Variants in TRIM37 observed in about 807,000 individuals in gnomAD.
TRIM37 encodes the protein tripartite motif containing 37.
Under a neutral mutation model 129.8 loss-of-function variants are expected in TRIM37, and 80 were observed. That is an observed-to-expected ratio of 0.62 (90% CI 0.51 to 0.74). The LOEUF is 0.74. Among genes scored for constraint, TRIM37 ranks in the 30% least tolerant of loss-of-function variants. The pLI is 0.00. For missense variants in TRIM37, 1,054 were observed against 1,176.5 expected (o/e 0.90, Z 1.52); for synonymous variants, 389 against 387.1 (o/e 1.00, Z -0.06).
At chr17:59,074,752 T>C (rs1394507066) in intron 8 of TRIM37, among the ~76,000 whole-genome samples, 1 of 152,098 alleles carries the variant, frequency 6.6e-6, no homozygotes, top group Non-Finnish European at 1.5e-5. Context: ...AGAGAGAAAT[T>C]ACAAAAAGCA....
At chr17:58,992,731 G>C (rs1405723113) in intron 24 of TRIM37, among the ~76,000 whole-genome samples, 2 of 152,160 alleles carry the variant, frequency 1.3e-5, no homozygotes, top group Middle Eastern at 3.4e-3. Flanking sequence ...ACAATCATTG[G>C]CAATGAGTTG....
chr17:59,081,937 C>CAAAAAAAAAAAAAAAAAAAAAA (rs1157296161), intron 5 of TRIM37, among the ~76,000 whole-genome samples: 1 of 48,922 alleles, frequency 2.0e-5, no homozygotes, highest in Non-Finnish European at 4.2e-5. Context: ...TAATAAAAAC[C>CAAAAAAAAAAAAAAAAAAAAAA]AAAAAAAAAA....
At position 59,064,391 on chromosome 17, in the gene TRIM37, G is replaced by T; in HGVS notation, c.824C>A (p.Ser275Tyr). 2 of 1,593,494 alleles carry T rather than the reference G, an allele frequency of 1.3e-6. No homozygotes were observed. Among genetic ancestry groups the T allele is most frequent in the Non-Finnish European group, 1.7e-6 (2 of 1,169,528 alleles). Reference sequence around the variant, plus strand: ...TAAAACAAAAGTAGCTGAATCGTAAGATGGCACTAATTCACTAAAAAAAAA... The same window carrying T: ...TAAAACAAAAGTAGCTGAATCGTAATATGGCACTAATTCACTAAAAAAAAA... ...PPDFTSELVPSYDSATFVLEN... is the reference protein window; with the variant it reads ...PPDFTSELVPYYDSATFVLEN... The change falls in exon 10 of 24, where the codon TCT becomes TAT. Residue 275 changes from serine to tyrosine, a missense_variant. This residue lies in a region of TRIM37 where 752 missense variants were observed against 870.8 expected (regional missense o/e 0.86). Coordinates refer to ENST00000262294, the MANE Select transcript of TRIM37 (RefSeq NM_015294.6).
chr17:59,003,288 A>C (rs189809142), intron 22 of TRIM37, among the ~76,000 whole-genome samples: 84 of 152,356 alleles, frequency 5.5e-4, no homozygotes, highest in African/African-American at 2.0e-3. Flanking sequence ...GGGGGAAAAA[A>C]GTCTTACCTC....
chr17:59,049,414 C>T, intron 14 of TRIM37, 21 bp from the exon 15 acceptor site: 4 of 1,599,618 alleles, frequency 2.5e-6, no homozygotes, highest in South Asian at 1.1e-5. Context: ...AAGAAAAGCA[C>T]AAATATTAGC....
intron 24 of TRIM37, among the ~76,000 whole-genome samples, chr17:58,990,081 G>C (rs2032212304): frequency 6.7e-6 from 1 of 148,840 alleles, no homozygotes; most frequent in Non-Finnish European, 1.5e-5. Context: ...AGGAGGCTGA[G>C]GTGGGAGGAT....
intron 6 of TRIM37, among the ~76,000 whole-genome samples, chr17:59,080,807 T>G (rs1235433627): frequency 1.3e-5 from 2 of 151,926 alleles, no homozygotes; most frequent in Non-Finnish European, 2.9e-5. Context: ...AAAGAAAAAA[T>G]AAGTTAATTA....
At chr17:59,083,743 A>G (rs1010730320) in intron 5 of TRIM37, among the ~76,000 whole-genome samples, 3 of 152,244 alleles carry the variant, frequency 2.0e-5, no homozygotes, top group Non-Finnish European at 4.4e-5. Flanking sequence ...AGATCCTACA[A>G]CGAAAAGATC....
At chr17:58,997,711 A>G (rs1209546798), downstream of TRIM37, among the ~76,000 whole-genome samples, 1 of 152,150 alleles carries the variant, frequency 6.6e-6, no homozygotes, top group Non-Finnish European at 1.5e-5. Context: ...GCAAAAAAGG[A>G]AAGGTTACAA....
At chr17:58,995,993 C>T (rs777271875), downstream of TRIM37, among the ~76,000 whole-genome samples, 4 of 151,738 alleles carry the variant, frequency 2.6e-5, no homozygotes, top group African/African-American at 4.8e-5. Context: ...AAAGCCAGAC[C>T]CTGTCTTCCA....
Position 59,106,792 on chromosome 17 carries a change from G to A in TRIM37, c.-331C>T, listed in dbSNP as rs1239431527. ...CGGGCGCGCGCCTATGGAACTGACGGTGGAGTTCAGCGAAGAAGGTGCCGC... is the reference window on the plus strand; with the variant it reads ...CGGGCGCGCGCCTATGGAACTGACGATGGAGTTCAGCGAAGAAGGTGCCGC... On this transcript the variant is annotated 5_prime_UTR_variant, in exon 1 of 24. Coordinates refer to ENST00000262294, the MANE Select transcript of TRIM37 (RefSeq NM_015294.6). 2.2e-5 allele frequency: 12 copies of A among 536,448 alleles called. No individual in the cohort carries two copies. Among genetic ancestry groups the A allele is most frequent in the Non-Finnish European group, 4.0e-5 (12 of 299,680 alleles). 33.2% of individuals were successfully genotyped at this position (536,448 alleles called of 1,614,324 possible).
intron 17 of TRIM37, among the ~76,000 whole-genome samples, chr17:59,040,653 C>A (rs2039038745): frequency 6.6e-6 from 1 of 152,012 alleles, no homozygotes; most frequent in Non-Finnish European, 1.5e-5. Flanking sequence ...GATAAGATTA[C>A]CCAGGATTAA....
At chr17:59,014,449 TG>T (rs959028270) in intron 21 of TRIM37, among the ~76,000 whole-genome samples, 3 of 152,150 alleles carry the variant, frequency 2.0e-5, no homozygotes, top group African/African-American at 7.2e-5. Context: ...TTTGAATAGA[TG>T]GAAGTTTAAT....
intron 4 of TRIM37, chr17:59,087,907 T>C (rs1253788121): frequency 3.4e-6 from 1 of 295,952 alleles, no homozygotes; most frequent in Non-Finnish European, 6.3e-6. Flanking sequence ...TCAAAATTCT[T>C]CAATCATGGA....
chr17:58,973,073 T>A, the TRIM37 span: 3 of 587,846 alleles, frequency 5.1e-6, no homozygotes, highest in African/African-American at 1.9e-5. Context: ...ACGTCTCTTT[T>A]AATTGTTTGA....
intron 16 of TRIM37, among the ~76,000 whole-genome samples, chr17:59,043,243 A>C (rs1312207559): frequency 1.3e-5 from 2 of 152,164 alleles, no homozygotes; most frequent in Non-Finnish European, 2.9e-5. Context: ...CAAGATAAGC[A>C]CCCAGCTTGA....
intron 6 of TRIM37, among the ~76,000 whole-genome samples, chr17:59,080,769 C>A (rs905352010): frequency 6.6e-6 from 1 of 151,782 alleles, no homozygotes; most frequent in African/African-American, 2.4e-5. Context: ...CCAGCCTGGG[C>A]GACAAGAGTG....
chr17:58,985,297 G>T (rs1320426036), intron 24 of TRIM37: 2 of 152,518 alleles, frequency 1.3e-5, no homozygotes, highest in African/African-American at 2.4e-5. Context: ...TGGAAGCTTG[G>T]AACATTTAAA....
At chr17:59,071,349 G>T (rs775322026) in intron 8 of TRIM37, among the ~76,000 whole-genome samples, 1 of 148,642 alleles carries the variant, frequency 6.7e-6, no homozygotes, top group Non-Finnish European at 1.5e-5. Context: ...GCAATGGCGC[G>T]ATCTCGGCTC....
Sources: gnomAD v4.1 joint callset for allele counts (sites outside exome capture counted in the v4.1 genomes callset) on GRCh38, gnomAD v4.1.1 for gene constraint, gnomAD v4.1.1 regional missense constraint, MANE v1.5 for transcripts, NCBI Gene and HGNC (gene_info 2026-07-23, HGNC 2026-07-21) for gene names.